ZNF496: variants seen among roughly 807,000 people sequenced by gnomAD.
ZNF496 encodes NSD1 (nuclear receptor binding SET-domain containing 1)-interacting zinc finger protein 1.
Under a neutral mutation model 58.9 loss-of-function variants are expected in ZNF496, and 11 were observed. The ratio of observed to expected loss-of-function variants is 0.19; its 90% CI spans 0.12 to 0.31. ZNF496 has a LOEUF of 0.31. ZNF496 is among the 10% of genes least tolerant of loss of function. The pLI, the probability that ZNF496 is intolerant of heterozygous loss-of-function variation, is 1.00. For synonymous variants in ZNF496, 338 were observed against 318.2 expected (o/e 1.06, Z -0.66); for missense variants, 660 against 783.0 (o/e 0.84, Z 1.88).
chr1:247,319,232 C>T (rs182189740), intron 6 of ZNF496, among the ~76,000 whole-genome samples: 5,180 of 152,306 alleles, frequency 0.034, 129 homozygotes, highest in Non-Finnish European at 0.056. Context: ...AAGCAATCCT[C>T]CCACCTTGGC....
At position 247,300,626 on chromosome 1, in the gene ZNF496, A is replaced by G. The variant is rs968386490; in HGVS notation, c.1657T>C (p.Phe553Leu). 2 of 1,614,030 alleles carry G rather than the reference A, an allele frequency of 1.2e-6. No homozygotes were observed. The highest frequency in any genetic ancestry group is 2.7e-5 in the African/African-American group (2 of 74,942). Residue 553 changes from phenylalanine to leucine, a missense_variant, in exon 10 of 10, where the codon TTC (phenylalanine) becomes CTC (leucine). Coordinates refer to ENST00000682384, the MANE Select transcript of ZNF496 (RefSeq NM_032752.3). This position sits in a 1 kb window ranked among gnomAD's most constrained non-coding sequence, Gnocchi z 5.7. ...CTCTTGACGCAGTACCGGCACTGGA[A>G]GGGCCGGGCTTTGTCCTTCAGGTGA... is the stretch of plus-strand genomic sequence containing the variant. ...HFHLKDKARP[F>L]QCRYCVKSFT...
At chr1:247,307,641 G>A (rs1016155927) in intron 9 of ZNF496, 13 of 985,390 alleles carry the variant, frequency 1.3e-5, no homozygotes, top group East Asian at 1.1e-4. Flanking sequence ...AAGCCCCTTT[G>A]TCCATGCATG....
At chr1:247,304,844 G>T (rs9426180) in intron 9 of ZNF496, among the ~76,000 whole-genome samples, 48,425 of 151,534 alleles carry the variant, frequency 0.32, 8,982 homozygotes, top group East Asian at 0.52. Flanking sequence ...GCCTCAGGAT[G>T]AATCATACTT....
Position 247,301,180 on chromosome 1 carries a change from C to T in ZNF496, c.1103G>A (p.Gly368Asp), listed in dbSNP as rs1023488335. 6 of 1,595,380 alleles carry T rather than the reference C, an allele frequency of 3.8e-6. No individual in the cohort carries two copies. Among genetic ancestry groups the T allele is most frequent in the Non-Finnish European group, 5.1e-6 (6 of 1,168,968 alleles). Residue 368 changes from glycine (G) to aspartate (D), a missense_variant, in exon 10 of 10, where the codon GGC (glycine) becomes GAC (aspartate). Gly to Asp is a moderately conservative substitution (Grantham distance 94). Coordinates refer to ENST00000682384, the MANE Select transcript of ZNF496 (RefSeq NM_032752.3). ...CCCCAGCTCTTCTGTGCAGTACGGGCCATGCTGGGAGTCCTCGTCCCCAGA... is the reference window on the plus strand; with the variant it reads ...CCCCAGCTCTTCTGTGCAGTACGGGTCATGCTGGGAGTCCTCGTCCCCAGA... ...SSSGDEDSQHGPYCTEELGSP... is the reference protein window; with the variant it reads ...SSSGDEDSQHDPYCTEELGSP...
At chr1:247,321,037 G>T (rs1254838578) in intron 6 of ZNF496, among the ~76,000 whole-genome samples, 2 of 152,056 alleles carry the variant, frequency 1.3e-5, no homozygotes, top group Non-Finnish European at 2.9e-5. Context: ...TTAGCCAAGC[G>T]TGGTTGCGGG....
intron 6 of ZNF496, among the ~76,000 whole-genome samples, chr1:247,319,763 A>C (rs907632263): frequency 2.0e-5 from 3 of 152,084 alleles, no homozygotes; most frequent in Non-Finnish European, 2.9e-5. Context: ...TCTCTACTAA[A>C]AATACAAAAA....
intron 6 of ZNF496, chr1:247,322,639 A>T: frequency 1.7e-6 from 2 of 1,152,024 alleles, no homozygotes; most frequent in Non-Finnish European, 2.3e-6. Flanking sequence ...CACCCGAGTA[A>T]GCAAGTCTTA....
At position 247,308,470 on chromosome 1, in the gene ZNF496, T is replaced by C. The variant is rs1036688073; in HGVS notation, c.1006+5A>G. ...CAAACCCATACCTCCCTGACCCTTC[T>C]TTACCTGGGTAGGTGTTTTGAGGCA... On this transcript the variant is annotated splice_donor_5th_base_variant and intron_variant, in intron 9 of 9. Transcript: ENST00000682384. The surrounding 1 kb of genome is among the most constrained non-coding windows in gnomAD (Gnocchi z 4.5). The C allele has an allele frequency of 6.2e-7, 1 of 1,613,806 alleles. No individual in the cohort carries two copies. The highest frequency in any genetic ancestry group is 2.2e-5 in the East Asian group (1 of 44,874).
chr1:247,313,745 GAC>G (rs1193779885), intron 6 of ZNF496: 7 of 152,280 alleles, frequency 4.6e-5, no homozygotes, highest in African/African-American at 1.4e-4. Flanking sequence ...TGAAAACCTT[GAC>G]ACACATCAAG....
chr1:247,304,049 C>T (rs1464364291), intron 9 of ZNF496: 1 of 440,752 alleles, frequency 2.3e-6, no homozygotes, highest in Admixed American at 2.5e-5. Context: ...GAAACACTGC[C>T]AGCTGGAACT....
chr1:247,311,067 A>T, intron 6 of ZNF496: 1 of 152,572 alleles, frequency 6.6e-6, no homozygotes, highest in East Asian at 1.9e-4. Context: ...AATTCTCTCC[A>T]GCTGTGAACC....
chr1:247,308,938 C>T lies in ZNF496; in HGVS notation c.893-350G>A, dbSNP rs182120665. On this transcript the variant is annotated intron_variant, in intron 8 of 9. Transcript: ENST00000682384. The surrounding 1 kb of genome is among the most constrained non-coding windows in gnomAD (Gnocchi z 4.5). ...CATCACCACAGGCTCCTGCACACTC[C>T]GCACATCCTGCACAAACAGCTTGTG... 4.4e-5 allele frequency: 13 copies of T among 295,410 alleles called. No homozygotes were observed. The highest frequency in any genetic ancestry group is 1.1e-4 in the African/African-American group (5 of 45,740). 18.3% of individuals were successfully genotyped at this position (295,410 alleles called of 1,614,324 possible). A position where few individuals can be genotyped will look rare whatever the true frequency, so the allele number is the denominator to read the frequency against.
At chr1:247,324,997 GCT>G (rs747843441) in intron 5 of ZNF496, among the ~76,000 whole-genome samples, 12 of 152,220 alleles carry the variant, frequency 7.9e-5, no homozygotes, top group African/African-American at 1.2e-4. Context: ...GTAAAAATGA[GCT>G]CTGTTTCAAA....
intron 6 of ZNF496, among the ~76,000 whole-genome samples, chr1:247,318,332 G>C (rs1558154913): frequency 6.6e-6 from 1 of 152,134 alleles, no homozygotes. Flanking sequence ...GAAAAATCTA[G>C]CTTAAGAATT....
rs1306202594 is a variant in ZNF496, at chr1:247,310,451, CCGA to C, written c.654_656del (p.Ser218del). On this transcript the variant is annotated inframe_deletion and splice_region_variant, in exon 7 of 10. Transcript: ENST00000682384. The stretch of plus-strand genomic sequence containing the variant: ...AAATCATGTCCTTGAATGGAGAAAC[CCGA>C]CTCTGAAAGCACAGGAGAACAGGGA... The C allele has an allele frequency of 6.2e-7, 1 of 1,614,000 alleles. No homozygotes were observed. Among genetic ancestry groups the C allele is most frequent in the African/African-American group, 1.3e-5 (1 of 74,892 alleles).
Position 247,300,827 on chromosome 1 carries a change from G to A in ZNF496, c.1456C>T (p.Leu486=). The change falls in exon 10 of 10, where the codon CTG becomes TTG. Residue 486 remains leucine (L), a synonymous_variant. Coordinates refer to ENST00000682384, the MANE Select transcript of ZNF496 (RefSeq NM_032752.3). This position sits in a 1 kb window ranked among gnomAD's most constrained non-coding sequence, Gnocchi z 5.7. ...SHLLSHRRIH[L]QPDRLQPVEK... The stretch of plus-strand genomic sequence containing the variant: ...ACCGGCTGGAGTCTGTCCGGCTGCA[G>A]GTGTATCCGCCGGTGGGAGAGCAGG... 2 of 1,608,840 alleles carry A rather than the reference G, an allele frequency of 1.2e-6. No individual in the cohort carries two copies. The highest frequency in any genetic ancestry group is 1.7e-6 in the Non-Finnish European group (2 of 1,176,682).
chr1:247,314,457 A>ATTTT (rs879257779), intron 6 of ZNF496, among the ~76,000 whole-genome samples: 6,042 of 151,706 alleles, frequency 0.04, 414 homozygotes, highest in African/African-American at 0.14. Context: ...TTAAAATTTC[A>ATTTT]ATTTAAAATG....
In ZNF496 at chr1:247,297,725, CT is replaced by C. The variant is rs575143653; in HGVS notation, c.*2793del. The C allele has an allele frequency of 1.3e-5, 2 of 152,394 alleles. No homozygotes were observed. The highest frequency in any genetic ancestry group is 4.1e-4 in the South Asian group (2 of 4,830). The allele number at this position is 152,394 out of a possible 1,614,324, so 9.4% of individuals were successfully genotyped here. A position where few individuals can be genotyped will look rare whatever the true frequency, so the allele number is the denominator to read the frequency against. On this transcript the variant is annotated 3_prime_UTR_variant, in exon 10 of 10. Transcript: ENST00000682384. ...GACCTCTCCTGAGAGCACGTTCCCC[CT>C]GCTGCTCCTGCTGCATGGCATCAAC...
rs112004336 is a variant in ZNF496 at position 247,310,314 on chromosome 1, T to G, written c.784+10A>C. ...CTGGTCTTGAGGTGTGGGGGGAAGT[T>G]AAGTCTTACTTGGAGGCATTGAGAC... On this transcript the variant is annotated intron_variant, in intron 7 of 9. Coordinates refer to ENST00000682384, the MANE Select transcript of ZNF496 (RefSeq NM_032752.3). 5.3e-5 allele frequency: 85 copies of G among 1,614,070 alleles called. 4 individuals carry two copies. In the African/African-American group the frequency reaches 6.0e-4, roughly 11 times the overall value.
Sources: allele counts gnomAD v4.1 joint callset (sites outside exome capture counted in the v4.1 genomes callset), GRCh38; gene constraint gnomAD v4.1.1; non-coding constraint Gnocchi (gnomAD v3.1); transcripts MANE v1.5; gene names NCBI Gene and HGNC (gene_info 2026-07-23, HGNC 2026-07-21).